Variants in PPFIA2 observed in about 807,000 individuals in gnomAD.
The protein encoded by PPFIA2 is PPFI scaffold protein A2.
Under a neutral mutation model 175.5 loss-of-function variants are expected in PPFIA2, and 46 were observed. That is an observed-to-expected ratio of 0.26 (90% CI 0.21 to 0.34). The LOEUF (loss-of-function observed/expected upper bound fraction) is 0.34, where lower values mean the gene tolerates loss of function less well. PPFIA2 is among the 10% of genes least tolerant of loss of function. The pLI is 1.00. For missense variants in PPFIA2, 1,179 were observed against 1,506.1 expected, an observed-to-expected ratio of 0.78 and a Z score of 3.60; for synonymous variants, 568 against 511.4, an observed-to-expected ratio of 1.11 and a Z score of -1.49.
intron 4 of PPFIA2, among the ~76,000 whole-genome samples, chr12:81,596,582 G>A (rs2059273442): frequency 6.6e-6 from 1 of 152,030 alleles, no homozygotes; most frequent in Admixed American, 6.6e-5. Flanking sequence ...TGAAAGAATT[G>A]TAAAAAGCCT....
At chr12:81,628,307 C>A (rs1172972346) in intron 4 of PPFIA2, among the ~76,000 whole-genome samples, 2 of 151,304 alleles carry the variant, frequency 1.3e-5, no homozygotes, top group African/African-American at 2.4e-5. Flanking sequence ...CCTATTTAAG[C>A]TTTCCTTATT....
At chr12:81,276,619 T>C (rs1434142420) in intron 28 of PPFIA2, among the ~76,000 whole-genome samples, 1 of 152,206 alleles carries the variant, frequency 6.6e-6, no homozygotes, top group East Asian at 1.9e-4. Context: ...CTTTTGAAAT[T>C]ATCCTTTGTC....
At chr12:81,331,397 T>C (rs1459268842) in intron 21 of PPFIA2, among the ~76,000 whole-genome samples, 1 of 152,194 alleles carries the variant, frequency 6.6e-6, no homozygotes, top group Non-Finnish European at 1.5e-5. Flanking sequence ...CCCTAAGGGA[T>C]GCAATTTTTA....
Position 81,730,528 on chromosome 12 carries a change from G to A in PPFIA2, c.249+23445C>T, listed in dbSNP as rs144599435. Among the ~76,000 whole-genome samples the A allele has an allele frequency of 8.9e-3, 1,353 of 151,680 alleles. 14 individuals are homozygous for A. Among genetic ancestry groups the A allele is most frequent in the Non-Finnish European group, 0.013 (892 of 67,704 alleles). ...GAACTCTCTCATTATGACAAGAACA[G>A]CATGGGGGAAACCACTCCCATGATC... On this transcript the variant is annotated intron_variant, in intron 3 of 32. Coordinates refer to ENST00000549396, the MANE Select transcript of PPFIA2 (RefSeq NM_003625.5).
chr12:81,661,781 T>C (rs987275362), intron 4 of PPFIA2, among the ~76,000 whole-genome samples: 4 of 152,056 alleles, frequency 2.6e-5, no homozygotes, highest in African/African-American at 7.2e-5. Flanking sequence ...TGTTCCAAAA[T>C]TGACCACATA....
chr12:81,622,525 G>A (rs562084710), intron 4 of PPFIA2, among the ~76,000 whole-genome samples: 25 of 152,164 alleles, frequency 1.6e-4, no homozygotes, highest in Non-Finnish European at 3.2e-4. Flanking sequence ...TTGAGGCAGA[G>A]GTAAAGGAAA....
At chr12:81,300,559 TAA>T (rs2047563854) in intron 22 of PPFIA2, among the ~76,000 whole-genome samples, 1 of 152,072 alleles carries the variant, frequency 6.6e-6, no homozygotes, top group South Asian at 2.1e-4. Context: ...AATACAAATT[TAA>T]GTTATAGTGG....
chr12:81,451,675 A>T (rs12426293), intron 5 of PPFIA2, among the ~76,000 whole-genome samples: 10,393 of 152,248 alleles, frequency 0.068, 501 homozygotes, highest in African/African-American at 0.13. Context: ...TCCTTAAGGG[A>T]TGAACGATTT....
chr12:81,376,748 C>T (rs2036459482), intron 9 of PPFIA2, among the ~76,000 whole-genome samples: 1 of 152,034 alleles, frequency 6.6e-6, no homozygotes, highest in Non-Finnish European at 1.5e-5. Context: ...GGCTCATTGG[C>T]CTGGAATTGT....
intron 4 of PPFIA2, among the ~76,000 whole-genome samples, chr12:81,649,213 T>A (rs946910999): frequency 1.3e-4 from 20 of 152,148 alleles, no homozygotes; most frequent in Non-Finnish European, 4.4e-5. Flanking sequence ...TATCTGATAA[T>A]GGCTTTGTCC....
intron 4 of PPFIA2, among the ~76,000 whole-genome samples, chr12:81,543,720 GACAA>G (rs1300575414): frequency 3.9e-5 from 6 of 151,984 alleles, no homozygotes; most frequent in Non-Finnish European, 7.4e-5. Flanking sequence ...GAAGAAACCC[GACAA>G]ACAATTCCTC....
intron 9 of PPFIA2, among the ~76,000 whole-genome samples, chr12:81,379,298 G>A (rs1254506074): frequency 1.3e-5 from 2 of 152,134 alleles, no homozygotes; most frequent in Admixed American, 1.3e-4. Context: ...CTCTTGACCT[G>A]AAGTTCATGT....
chr12:81,273,135 C>T (rs555091084), intron 28 of PPFIA2, among the ~76,000 whole-genome samples: 337 of 152,128 alleles, frequency 2.2e-3, no homozygotes, highest in Non-Finnish European at 4.0e-3. Context: ...AGATTTATTA[C>T]CCTTTGGCTT....
chr12:81,416,301 C>T (rs778639946), intron 7 of PPFIA2, among the ~76,000 whole-genome samples: 1 of 151,420 alleles, frequency 6.6e-6, no homozygotes, highest in Non-Finnish European at 1.5e-5. Context: ...TGCATGAAAG[C>T]AAGACTCAAT....
chr12:81,402,090 ATCT>A (rs777988652), intron 8 of PPFIA2, among the ~76,000 whole-genome samples: 14 of 152,176 alleles, frequency 9.2e-5, no homozygotes, highest in Non-Finnish European at 1.5e-4. Context: ...GACACAAAAC[ATCT>A]TCTTTGGGCT....
intron 4 of PPFIA2, among the ~76,000 whole-genome samples, chr12:81,464,136 C>T (rs1012263109): frequency 2.6e-5 from 4 of 152,122 alleles, no homozygotes; most frequent in Non-Finnish European, 4.4e-5. Context: ...CAGCTTATCT[C>T]AAACTCCTGG....
chr12:81,534,761 A>G (rs1170064146), intron 4 of PPFIA2, among the ~76,000 whole-genome samples: 2 of 151,746 alleles, frequency 1.3e-5, no homozygotes, highest in Admixed American at 1.3e-4. Context: ...CAGATAAAGT[A>G]ATTGCCACAC....
chr12:81,448,214 T>C (rs969771108), intron 5 of PPFIA2, among the ~76,000 whole-genome samples: 1 of 152,126 alleles, frequency 6.6e-6, no homozygotes, highest in African/African-American at 2.4e-5. Context: ...ATTTGGCAAG[T>C]GGAACTTTTT....
chr12:81,340,044 T>A (rs746390316), intron 20 of PPFIA2, among the ~76,000 whole-genome samples: 18 of 152,154 alleles, frequency 1.2e-4, no homozygotes, highest in South Asian at 2.1e-4. Context: ...GTTATTAGTT[T>A]CTATAGTTGT....
Sources: gnomAD v4.1 joint callset for allele counts (sites outside exome capture counted in the v4.1 genomes callset) on GRCh38, gnomAD v4.1.1 for gene constraint, MANE v1.5 for transcripts, NCBI Gene and HGNC (gene_info 2026-07-23, HGNC 2026-07-21) for gene names.